Variants in OSTN observed in about 807,000 individuals in gnomAD.
OSTN encodes osteocrin.
In OSTN, 9 loss-of-function variants were observed where a neutral mutation model predicts 12.0. That is an observed-to-expected ratio of 0.75 (90% CI 0.45 to 1.30). The LOEUF is 1.30. Ranked by LOEUF, OSTN falls within the 50% of genes most tolerant of loss-of-function variation. The pLI is 0.00. For missense variants in OSTN, 148 were observed against 152.3 expected, an observed-to-expected ratio of 0.97 and a Z score of 0.15; for synonymous variants, 59 against 56.9, an observed-to-expected ratio of 1.04 and a Z score of -0.16.
chr3:191,230,504 C>T (rs1258712163), intron 3 of OSTN, among the ~76,000 whole-genome samples: 1 of 134,482 alleles, frequency 7.4e-6, no homozygotes, highest in Non-Finnish European at 1.5e-5. Flanking sequence ...GTGGAGGTTG[C>T]AGTGAGCTGA....
At chr3:191,256,352 G>A (rs961139623) in intron 4 of OSTN, among the ~76,000 whole-genome samples, 7 of 151,884 alleles carry the variant, frequency 4.6e-5, no homozygotes, top group East Asian at 3.8e-4. Flanking sequence ...GGACTTCCAC[G>A]GGCTGTAATA....
intron 1 of OSTN, among the ~76,000 whole-genome samples, chr3:191,202,537 C>T (rs1354756611): frequency 6.6e-6 from 1 of 152,096 alleles, no homozygotes; most frequent in African/African-American, 2.4e-5. Flanking sequence ...GTTAGAGATA[C>T]TTTTCCATTT....
intron 3 of OSTN, among the ~76,000 whole-genome samples, chr3:191,236,604 G>A (rs1715198106): frequency 6.7e-6 from 1 of 150,324 alleles, no homozygotes; most frequent in African/African-American, 2.4e-5. Context: ...TTGGGACAAA[G>A]GATTGTTAAT....
chr3:191,238,797 C>T (rs1253126418), intron 3 of OSTN, among the ~76,000 whole-genome samples: 1 of 152,310 alleles, frequency 6.6e-6, no homozygotes, highest in Non-Finnish European at 1.5e-5. Context: ...CAGCTCAAGA[C>T]CATAGGATGG....
At chr3:191,259,968 C>T (rs1289138173) in intron 4 of OSTN, among the ~76,000 whole-genome samples, 2 of 150,788 alleles carry the variant, frequency 1.3e-5, no homozygotes, top group Non-Finnish European at 3.0e-5. Context: ...GATTCTCCTG[C>T]CTCAGCCTCC....
chr3:191,222,290 A>G (rs1288977214), intron 3 of OSTN, among the ~76,000 whole-genome samples: 1 of 152,204 alleles, frequency 6.6e-6, no homozygotes, highest in Non-Finnish European at 1.5e-5. Context: ...TTTGCTGTGC[A>G]CCTGGAAAAG....
intron 3 of OSTN, among the ~76,000 whole-genome samples, chr3:191,239,051 C>T (rs773806026): frequency 2.0e-5 from 3 of 152,274 alleles, no homozygotes; most frequent in Non-Finnish European, 4.4e-5. Context: ...CTGCCTTATA[C>T]GATAAACTCT....
intron 3 of OSTN, among the ~76,000 whole-genome samples, chr3:191,245,928 G>A (rs777610829): frequency 5.3e-5 from 8 of 151,416 alleles, no homozygotes; most frequent in Non-Finnish European, 8.8e-5. Flanking sequence ...TTAGCTGGGC[G>A]TGGTGGTGGG....
intron 3 of OSTN, among the ~76,000 whole-genome samples, chr3:191,238,066 C>T (rs956896163): frequency 2.6e-5 from 4 of 152,134 alleles, no homozygotes; most frequent in Non-Finnish European, 4.4e-5. Flanking sequence ...CTGAGCCAAT[C>T]GCGGCATCTC....
At chr3:191,213,085 G>A (rs1197277807) in intron 2 of OSTN, among the ~76,000 whole-genome samples, 1 of 151,492 alleles carries the variant, frequency 6.6e-6, no homozygotes, top group Non-Finnish European at 1.5e-5. Flanking sequence ...TGGCCAGGCT[G>A]GTCTTGAACT....
chr3:191,254,684 A>T (rs1272744745), intron 4 of OSTN, among the ~76,000 whole-genome samples: 1 of 152,330 alleles, frequency 6.6e-6, no homozygotes, highest in South Asian at 2.1e-4. Context: ...CCCCATTTCT[A>T]CCAAAGATAA....
chr3:191,264,015 G>A lies in OSTN; in HGVS notation c.*1162G>A, dbSNP rs755747114. 1 of 151,998 alleles carries A rather than the reference G, an allele frequency of 6.6e-6. No homozygotes were observed. Among genetic ancestry groups the A allele is most frequent in the Non-Finnish European group, 1.5e-5 (1 of 67,962 alleles). 9.4% of individuals were successfully genotyped at this position (151,998 alleles called of 1,614,324 possible). A position where few individuals can be genotyped will look rare whatever the true frequency, so the allele number is the denominator to read the frequency against. ...ACTTAGCAGAAGTTTATAAAGCATC[G>A]AAAAACACTTCCTCTGTAAACCCTA... On this transcript the variant is annotated 3_prime_UTR_variant, in exon 5 of 5. Coordinates refer to ENST00000682035, the MANE Select transcript of OSTN (RefSeq NM_198184.2).
chr3:191,260,449 G>C (rs1401914291), intron 4 of OSTN, among the ~76,000 whole-genome samples: 1 of 147,948 alleles, frequency 6.8e-6, no homozygotes, highest in Non-Finnish European at 1.5e-5. Flanking sequence ...AGATATTAAG[G>C]AACCCACAAA....
intron 3 of OSTN, among the ~76,000 whole-genome samples, chr3:191,245,476 T>C (rs1322170306): frequency 1.3e-5 from 2 of 152,156 alleles, no homozygotes; most frequent in Non-Finnish European, 2.9e-5. Flanking sequence ...TATCAGTAAG[T>C]AAATCAAGTA....
chr3:191,215,513 T>A (rs953531633), intron 2 of OSTN, among the ~76,000 whole-genome samples: 7 of 152,164 alleles, frequency 4.6e-5, no homozygotes, highest in African/African-American at 1.7e-4. Flanking sequence ...CCCTTCCACC[T>A]ATGAGCCTGT....
chr3:191,225,489 C>T (rs1424087762), intron 3 of OSTN, among the ~76,000 whole-genome samples: 1 of 151,902 alleles, frequency 6.6e-6, no homozygotes, highest in Non-Finnish European at 1.5e-5. Context: ...GTCATATTGA[C>T]TCCCAAATCA....
chr3:191,259,788 T>C (rs979440989), intron 4 of OSTN, among the ~76,000 whole-genome samples: 2 of 151,786 alleles, frequency 1.3e-5, no homozygotes, highest in Non-Finnish European at 2.9e-5. Flanking sequence ...TTAGGTCAAA[T>C]TTTTGCCCTT....
chr3:191,200,816 T>C (rs1280015938), intron 1 of OSTN, among the ~76,000 whole-genome samples: 1 of 152,210 alleles, frequency 6.6e-6, no homozygotes, highest in East Asian at 1.9e-4. Flanking sequence ...TTTCATTTAC[T>C]ATGACTGTTA....
chr3:191,231,438 G>A (rs982120842), intron 3 of OSTN, among the ~76,000 whole-genome samples: 6 of 151,716 alleles, frequency 4.0e-5, no homozygotes, highest in African/African-American at 1.2e-4. Flanking sequence ...TTGCAATTTT[G>A]CAAACTTTTC....
Sources: allele counts gnomAD v4.1 joint callset (sites outside exome capture counted in the v4.1 genomes callset), GRCh38; gene constraint gnomAD v4.1.1; transcripts MANE v1.5; gene names NCBI Gene and HGNC (gene_info 2026-07-23, HGNC 2026-07-21).